The following PKD1L3 variants were observed in gnomAD, a reference collection of about 807,000 sequenced individuals.
PKD1L3 encodes polycystin 1 like 3, transient receptor potential channel interacting.
Under a neutral mutation model 184.1 loss-of-function variants are expected in PKD1L3, and 239 were observed. The ratio of observed to expected loss-of-function variants is 1.30; its 90% confidence interval spans 1.17 to 1.45. PKD1L3 has a LOEUF of 1.45. Among genes scored for constraint, PKD1L3 ranks in the 40% most tolerant of loss-of-function variants. The probability of loss-of-function intolerance (pLI) is 0.00; values close to 1 mark genes in which losing one functional copy is unlikely to be tolerated. For synonymous variants in PKD1L3, 996 were observed against 778.8 expected, an observed-to-expected ratio of 1.28 and a Z score of -4.64; for missense variants, 2,660 against 2,067.2, an observed-to-expected ratio of 1.29 and a Z score of -5.56.
chr16:71,969,767 C>T (rs2039640241), intron 13 of PKD1L3, 108 bp downstream of exon 13: 4 of 952,960 alleles, frequency 4.2e-6, no homozygotes, highest in Non-Finnish European at 4.6e-6. Flanking sequence ...ATTTCTATGC[C>T]TCCCAGTACC....
intron 9 of PKD1L3, among the ~76,000 whole-genome samples, chr16:71,978,700 T>C (rs1057094235): frequency 6.6e-6 from 1 of 151,604 alleles, no homozygotes; most frequent in East Asian, 1.9e-4. Flanking sequence ...CCACCATGCC[T>C]GGCTAATTTT....
At chr16:71,974,333 T>G (rs1173709257) in intron 11 of PKD1L3, among the ~76,000 whole-genome samples, 1 of 152,144 alleles carries the variant, frequency 6.6e-6, no homozygotes, top group African/African-American at 2.4e-5. Flanking sequence ...AAAAGGTTCC[T>G]GAAGGCCCCT....
rs2040285197 is a variant in PKD1L3, at chr16:71,984,579, G to C, written c.835-412C>G. On this transcript the variant is annotated intron_variant, in intron 5 of 29. Coordinates refer to ENST00000620267, the MANE Select transcript of PKD1L3 (RefSeq NM_181536.2). ...CTCCATTCAAGTATTCGTATTTAAG[G>C]CTGGGCGTGATGGCTCACGCCTGTC... Among the ~76,000 whole-genome samples, 3 of 152,292 alleles carry C rather than the reference G, an allele frequency of 2.0e-5. No homozygotes were observed. In the South Asian group the frequency reaches 6.2e-4, roughly 32 times the overall value.
At chr16:71,993,368 T>G in intron 2 of PKD1L3, 36 bp from the exon 3 acceptor site, 2 of 1,318,616 alleles carry the variant, frequency 1.5e-6, no homozygotes, top group Non-Finnish European at 2.1e-6. Context: ...AATTTATAGG[T>G]TATAGCTATG....
At chr16:71,988,726 G>T (rs1001217751) in intron 4 of PKD1L3, among the ~76,000 whole-genome samples, 4 of 152,110 alleles carry the variant, frequency 2.6e-5, no homozygotes, top group Admixed American at 2.6e-4. Flanking sequence ...AGATAAACGG[G>T]AGAAAAGCAC....
intron 11 of PKD1L3, among the ~76,000 whole-genome samples, chr16:71,976,492 G>A (rs2039929942): frequency 6.6e-6 from 1 of 151,536 alleles, no homozygotes; most frequent in Admixed American, 6.6e-5. Context: ...CCTGACCTCA[G>A]GTGATCCACC....
chr16:71,935,214 T>C lies in PKD1L3; in HGVS notation c.4613+144A>G, dbSNP rs188710974. On this transcript the variant is annotated intron_variant, in intron 26 of 29. Coordinates refer to ENST00000620267, the MANE Select transcript of PKD1L3 (RefSeq NM_181536.2). ...GCTTCTAGTTCACTGTCTTCTCTGC[T>C]GTGGACATGAGTCCAAGTTCTCTTT... is the stretch of plus-strand genomic sequence containing the variant. 1,214 of 839,612 alleles carry C rather than the reference T, an allele frequency of 1.4e-3. 10 individuals carry two copies. The African/African-American group carries it at 0.019, about 13-fold the overall frequency. 52.0% of individuals were successfully genotyped at this position (839,612 alleles called of 1,614,324 possible). A position where few individuals can be genotyped will look rare whatever the true frequency, so the allele number is the denominator to read the frequency against.
intron 28 of PKD1L3, among the ~76,000 whole-genome samples, chr16:71,932,663 G>A (rs112755182): frequency 3.6e-4 from 55 of 151,930 alleles, no homozygotes; most frequent in African/African-American, 1.1e-3. Flanking sequence ...GTTTTTATTA[G>A]AGATGGGGTT....
At chr16:71,961,273 C>G (rs1197702191) in intron 16 of PKD1L3, among the ~76,000 whole-genome samples, 1 of 152,078 alleles carries the variant, frequency 6.6e-6, no homozygotes, top group Non-Finnish European at 1.5e-5. Context: ...CAGGCGTGCA[C>G]CACTGCGCAT....
chr16:71,998,700 C>G (rs543996598), intron 1 of PKD1L3, among the ~76,000 whole-genome samples: 3 of 152,274 alleles, frequency 2.0e-5, no homozygotes, highest in African/African-American at 7.2e-5. Context: ...ATCCATCCAC[C>G]TCCACCTTCC....
rs568113713 is a variant in PKD1L3 at position 71,990,118 on chromosome 16, G to C, written c.585+162C>G. Among the ~76,000 whole-genome samples the C allele has an allele frequency of 4.0e-5, 6 of 149,250 alleles. No individual in the cohort carries two copies. The East Asian group carries it at 1.2e-3, about 29-fold the overall frequency. On this transcript the variant is annotated intron_variant, in intron 4 of 29. Coordinates refer to ENST00000620267, the MANE Select transcript of PKD1L3 (RefSeq NM_181536.2). ...AAAAAAAAAAAAATCCTTGAATGAA[G>C]TACCTATTAAATCCAATTTTTTTCT...
At chr16:71,960,785 C>G (rs1401689636) in intron 16 of PKD1L3, among the ~76,000 whole-genome samples, 1 of 151,974 alleles carries the variant, frequency 6.6e-6, no homozygotes, top group Non-Finnish European at 1.5e-5. Context: ...ACTTTGGATG[C>G]AATGGTATAT....
chr16:71,948,803 T>TAAAAAAAAAAAAAAAAAAAAA (rs57129483), intron 21 of PKD1L3, among the ~76,000 whole-genome samples: 2 of 81,206 alleles, frequency 2.5e-5, no homozygotes, highest in Non-Finnish European at 2.2e-5. Flanking sequence ...TTACATATAG[T>TAAAAAAAAAAAAAAAAAAAAA]AAAAAAAAAA....
Position 71,984,135 on chromosome 16 carries a change from T to C in PKD1L3, c.867A>G (p.Arg289=). 10 of 1,551,832 alleles carry C rather than the reference T, an allele frequency of 6.4e-6. No homozygotes were observed. The highest frequency in any genetic ancestry group is 8.7e-6 in the Non-Finnish European group (10 of 1,146,952). ...VIDEIAGNFS[R]AVHGLQALNK... is the part of the protein sequence containing the mutation. Reference sequence around the variant, plus strand: ...TAAGAGCTTGCAAACCATGAACTGCTCTGCTGAAGTTCCCTGCTATCTCAT... The same window carrying C: ...TAAGAGCTTGCAAACCATGAACTGCCCTGCTGAAGTTCCCTGCTATCTCAT... Residue 289 remains arginine (R), a synonymous_variant, in exon 6 of 30, where the codon AGA becomes AGG. Transcript: ENST00000620267.
intron 6 of PKD1L3, among the ~76,000 whole-genome samples, chr16:71,983,509 T>A (rs747693878): frequency 2.4e-4 from 36 of 152,164 alleles, no homozygotes; most frequent in Admixed American, 1.4e-3. Flanking sequence ...AATCAACAAA[T>A]GAACATAAAC....
chr16:71,990,236 G>C (rs749357395), intron 4 of PKD1L3, 44 bp downstream of exon 4: 18 of 1,454,810 alleles, frequency 1.2e-5, no homozygotes, highest in Non-Finnish European at 1.6e-5. Flanking sequence ...GTATGACAAA[G>C]AGATCAACAT....
chr16:71,977,164 G>A, intron 11 of PKD1L3, 72 bp downstream of exon 11: 2 of 1,159,914 alleles, frequency 1.7e-6, no homozygotes, highest in Non-Finnish European at 2.5e-6. Context: ...AGTCAACAAT[G>A]ATGGTGCCAC....
intron 1 of PKD1L3, among the ~76,000 whole-genome samples, chr16:71,999,390 A>G (rs1316739627): frequency 6.6e-6 from 1 of 152,146 alleles, no homozygotes; most frequent in Admixed American, 6.5e-5. Flanking sequence ...GTTTATTAGG[A>G]AAAAAATGAC....
chr16:71,937,567 G>C, intron 24 of PKD1L3, 148 bp from the exon 25 acceptor site: 1 of 884,838 alleles, frequency 1.1e-6, no homozygotes, highest in East Asian at 2.7e-5. Flanking sequence ...CTTTAGAGCT[G>C]TCATGAACAT....
Sources: allele counts gnomAD v4.1 joint callset (sites outside exome capture counted in the v4.1 genomes callset), GRCh38; gene constraint gnomAD v4.1.1; transcripts MANE v1.5; gene names NCBI Gene and HGNC (gene_info 2026-07-23, HGNC 2026-07-21).